Variants in CTNNA3 observed in about 807,000 individuals in gnomAD.
CTNNA3 encodes catenin alpha-3.
CTNNA3 carries 76 observed loss-of-function variants against 95.7 expected under a neutral mutation model. The ratio of observed to expected loss-of-function variants is 0.79; its 90% CI spans 0.66 to 0.96. CTNNA3 has a LOEUF of 0.96. Ranked by LOEUF, CTNNA3 falls within the 40% of genes least tolerant of loss-of-function variation. The pLI is 0.00. For synonymous variants in CTNNA3, 431 were observed against 374.4 expected (o/e 1.15, Z -1.74); for missense variants, 1,191 against 1,089.8 (o/e 1.09, Z -1.31).
At chr10:66,970,408 C>A (rs1383383074) in intron 7 of CTNNA3, among the ~76,000 whole-genome samples, 1 of 150,800 alleles carries the variant, frequency 6.6e-6, no homozygotes, top group Non-Finnish European at 1.5e-5. Context: ...AACAATTATT[C>A]TTTCCTTCCC....
intron 5 of CTNNA3, among the ~76,000 whole-genome samples, chr10:67,438,986 A>C (rs189147822): frequency 8.5e-5 from 13 of 152,256 alleles, no homozygotes; most frequent in Non-Finnish European, 1.5e-4. Context: ...GCAGTCTATG[A>C]CACAAGGACT....
At chr10:67,018,672 G>C (rs575947465) in intron 7 of CTNNA3, among the ~76,000 whole-genome samples, 1 of 152,174 alleles carries the variant, frequency 6.6e-6, no homozygotes, top group South Asian at 2.1e-4. Context: ...TTTAACCGTG[G>C]ACAAGCCACT....
At chr10:67,437,176 C>G (rs1224008590) in intron 5 of CTNNA3, among the ~76,000 whole-genome samples, 1 of 152,056 alleles carries the variant, frequency 6.6e-6, no homozygotes, top group African/African-American at 2.4e-5. Flanking sequence ...TTGCAGCGAC[C>G]TGGATGAGAT....
At chr10:66,321,130 G>A (rs2092178604) in intron 12 of CTNNA3, among the ~76,000 whole-genome samples, 1 of 151,916 alleles carries the variant, frequency 6.6e-6, no homozygotes, top group African/African-American at 2.4e-5. Flanking sequence ...TTACATGGTA[G>A]CCCAAGTCCA....
At chr10:67,470,799 GAC>G (rs1380508622) in intron 5 of CTNNA3, among the ~76,000 whole-genome samples, 1 of 151,776 alleles carries the variant, frequency 6.6e-6, no homozygotes, top group Non-Finnish European at 1.5e-5. Context: ...TCTTTTCTTT[GAC>G]ACAGAGTCTT....
intron 1 of CTNNA3, among the ~76,000 whole-genome samples, chr10:67,648,417 A>C (rs2133484492): frequency 6.6e-6 from 1 of 152,324 alleles, no homozygotes; most frequent in South Asian, 2.1e-4. Flanking sequence ...ACTTCCTGAA[A>C]TGTAGCACAT....
intron 1 of CTNNA3, among the ~76,000 whole-genome samples, chr10:67,705,348 A>C (rs1265154336): frequency 1.1e-4 from 17 of 151,288 alleles, no homozygotes; most frequent in African/African-American, 3.2e-4. Context: ...TTGCGGCACT[A>C]TTCACAAGAG....
intron 3 of CTNNA3, among the ~76,000 whole-genome samples, chr10:67,600,177 C>T (rs1297760774): frequency 6.6e-6 from 1 of 151,970 alleles, no homozygotes; most frequent in African/African-American, 2.4e-5. Context: ...AATTAAATTT[C>T]TGTATTTCAA....
chr10:66,556,563 C>A (rs1435674736), intron 10 of CTNNA3, among the ~76,000 whole-genome samples: 1 of 151,914 alleles, frequency 6.6e-6, no homozygotes, highest in Non-Finnish European at 1.5e-5. Flanking sequence ...GGAGCTTCTG[C>A]TATTTTCAAC....
rs190917996 is a variant in CTNNA3, at chr10:66,301,164, G to C, written c.1733-20543C>G. ...CATGAATAGGCTTATAGCTATTGAG[G>C]AGATTGGATCAATAATTAATAAACT... On this transcript the variant is annotated intron_variant, in intron 12 of 17. Coordinates refer to ENST00000433211, the MANE Select transcript of CTNNA3 (RefSeq NM_013266.4). Among the ~76,000 whole-genome samples, 302 of 152,106 alleles carry C rather than the reference G, an allele frequency of 2.0e-3. 2 individuals are homozygous for C. Among genetic ancestry groups the C allele is most frequent in the African/African-American group, 7.0e-3 (290 of 41,556 alleles).
At chr10:66,152,945 C>T (rs1439145827) in intron 13 of CTNNA3, among the ~76,000 whole-genome samples, 1 of 151,848 alleles carries the variant, frequency 6.6e-6, no homozygotes, top group African/African-American at 2.4e-5. Context: ...TCACTCTCAC[C>T]TGGGACTCTA....
intron 7 of CTNNA3, among the ~76,000 whole-genome samples, chr10:66,910,587 A>G (rs1220357299): frequency 6.6e-6 from 1 of 152,236 alleles, no homozygotes; most frequent in Non-Finnish European, 1.5e-5. Context: ...CAGTACAACT[A>G]AGACAGTCAC....
At chr10:67,096,996 T>A (rs1435588749) in intron 7 of CTNNA3, among the ~76,000 whole-genome samples, 2 of 151,930 alleles carry the variant, frequency 1.3e-5, no homozygotes, top group Non-Finnish European at 2.9e-5. Context: ...GTCTAGATAA[T>A]TCTCTTCTGC....
At chr10:66,365,877 C>T (rs2092707786) in intron 12 of CTNNA3, among the ~76,000 whole-genome samples, 1 of 152,000 alleles carries the variant, frequency 6.6e-6, no homozygotes, top group South Asian at 2.1e-4. Context: ...CTCCTGCCAA[C>T]AAAAACATAT....
chr10:67,635,280 C>T (rs1307483939), intron 2 of CTNNA3, among the ~76,000 whole-genome samples: 1 of 151,968 alleles, frequency 6.6e-6, no homozygotes, highest in Non-Finnish European at 1.5e-5. Context: ...TAAAACTATT[C>T]AAAAAATTGA....
At chr10:67,574,481 T>G (rs1842079637) in intron 3 of CTNNA3, among the ~76,000 whole-genome samples, 2 of 152,074 alleles carry the variant, frequency 1.3e-5, no homozygotes, top group African/African-American at 2.4e-5. Flanking sequence ...ACTAACAGCA[T>G]CCATTCCACT....
intron 13 of CTNNA3, among the ~76,000 whole-genome samples, chr10:66,278,780 T>C (rs770333656): frequency 3.3e-5 from 5 of 152,078 alleles, no homozygotes; most frequent in African/African-American, 4.8e-5. Context: ...TCAGGAATAG[T>C]GAAAATGGAG....
chr10:66,855,027 A>C (rs1447308551), intron 7 of CTNNA3, among the ~76,000 whole-genome samples: 1 of 151,938 alleles, frequency 6.6e-6, no homozygotes, highest in Non-Finnish European at 1.5e-5. Flanking sequence ...TGTCTGGCAC[A>C]TTATAGATGT....
intron 5 of CTNNA3, among the ~76,000 whole-genome samples, chr10:67,465,338 T>C (rs1847549424): frequency 6.6e-6 from 1 of 152,010 alleles, no homozygotes; most frequent in African/African-American, 2.4e-5. Flanking sequence ...TCTCATGCAA[T>C]AGAAAGATGG....
Sources: allele counts gnomAD v4.1 joint callset (sites outside exome capture counted in the v4.1 genomes callset), GRCh38; gene constraint gnomAD v4.1.1; transcripts MANE v1.5; gene names NCBI Gene and HGNC (gene_info 2026-07-23, HGNC 2026-07-21).